SOX6: variants seen among roughly 807,000 people sequenced by gnomAD.
The protein encoded by SOX6 is transcription factor SOX-6.
A neutral mutation model predicts 97.8 loss-of-function variants in SOX6; 11 were observed. That is an observed-to-expected ratio of 0.11 (90% CI 0.07 to 0.19). SOX6 has a LOEUF of 0.19. Ranked by LOEUF, SOX6 falls within the 10% of genes least tolerant of loss-of-function variation. The pLI is 1.00. For synonymous variants in SOX6, 360 were observed against 371.4 expected (o/e 0.97, Z 0.35); for missense variants, 810 against 1,039.5 (o/e 0.78, Z 3.04).
intron 9 of SOX6, among the ~76,000 whole-genome samples, chr11:16,074,135 C>A (rs1272331441): frequency 3.3e-5 from 5 of 151,926 alleles, no homozygotes; most frequent in Non-Finnish European, 4.4e-5. Flanking sequence ...ATGCAAAAAA[C>A]CATACAAAAA....
At chr11:16,236,838 T>C (rs1254136733) in intron 3 of SOX6, among the ~76,000 whole-genome samples, 2 of 151,974 alleles carry the variant, frequency 1.3e-5, no homozygotes, top group Non-Finnish European at 2.9e-5. Flanking sequence ...AATACACACT[T>C]AAACCATGTG....
In SOX6 at chr11:16,156,980, G is replaced by A. The variant is rs76748111; in HGVS notation, c.777+26906C>T. On this transcript the variant is annotated intron_variant, in intron 6 of 15. Coordinates refer to ENST00000683767, the MANE Select transcript of SOX6 (RefSeq NM_001367873.1). Reference sequence around the variant, plus strand: ...AACTTTGTCCATTTTGTTCCTTAGTGTATTATCACTGCTCACTGATAATGA... The same window carrying A: ...AACTTTGTCCATTTTGTTCCTTAGTATATTATCACTGCTCACTGATAATGA... 1.4e-3 allele frequency among the ~76,000 whole-genome samples: 219 copies of A among 151,978 alleles called. 1 individual carries two copies. Among genetic ancestry groups the A allele is most frequent in the African/African-American group, 4.9e-3 (205 of 41,486 alleles).
chr11:16,323,034 G>C (rs958687712), intron 2 of SOX6, among the ~76,000 whole-genome samples: 9 of 152,214 alleles, frequency 5.9e-5, no homozygotes, highest in South Asian at 2.1e-4. Context: ...CAAAGGAAAT[G>C]TACTATAAAT....
intron 3 of SOX6, among the ~76,000 whole-genome samples, chr11:16,261,305 C>T (rs1347664738): frequency 6.6e-6 from 1 of 152,110 alleles, no homozygotes; most frequent in Non-Finnish European, 1.5e-5. Flanking sequence ...ATTTAGCATG[C>T]AGTAAATCTT....
chr11:16,636,044 A>G (rs1421097781), intron 3 of SOX6, among the ~76,000 whole-genome samples: 1 of 152,234 alleles, frequency 6.6e-6, no homozygotes, highest in Non-Finnish European at 1.5e-5. Flanking sequence ...GCCCCCACAC[A>G]GAGTCCCCAA....
intron 6 of SOX6, among the ~76,000 whole-genome samples, chr11:16,147,002 G>T (rs1035602084): frequency 1.3e-5 from 2 of 152,044 alleles, no homozygotes; most frequent in African/African-American, 4.8e-5. Flanking sequence ...CCCATTACTG[G>T]GTATATACCC....
intron 6 of SOX6, among the ~76,000 whole-genome samples, chr11:16,169,767 A>G (rs1352468661): frequency 6.6e-6 from 1 of 152,112 alleles, no homozygotes; most frequent in Admixed American, 6.6e-5. Context: ...TCCAAAGTAT[A>G]TTAGTCTTTC....
At chr11:16,096,715 T>A in intron 8 of SOX6, among the ~76,000 whole-genome samples, 1 of 151,878 alleles carries the variant, frequency 6.6e-6, no homozygotes, top group East Asian at 1.9e-4. Flanking sequence ...CAGATGCTAT[T>A]CTGTAGATAA....
At position 16,124,487 on chromosome 11, in the gene SOX6, C is replaced by T. The variant is rs73418908; in HGVS notation, c.778-12564G>A. Among the ~76,000 whole-genome samples, 58 of 152,088 alleles carry T rather than the reference C, an allele frequency of 3.8e-4. 1 individual carries two copies. The highest frequency in any genetic ancestry group is 1.2e-3 in the African/African-American group (50 of 41,538). ...GGTAGTAGGTAGAAGGTACAGAGGA[C>T]TATCTTGGATAGGGATGGCCAAGGA... is the stretch of plus-strand genomic sequence containing the variant. On this transcript the variant is annotated intron_variant, in intron 6 of 15. Coordinates refer to ENST00000683767, the MANE Select transcript of SOX6 (RefSeq NM_001367873.1).
At chr11:16,602,487 A>T (rs556014291) in intron 4 of SOX6, among the ~76,000 whole-genome samples, 2 of 152,104 alleles carry the variant, frequency 1.3e-5, no homozygotes, top group African/African-American at 4.8e-5. Flanking sequence ...TTGATTTATG[A>T]GGTTTTCAAA....
chr11:16,410,296 T>C (rs1366526957), intron 1 of SOX6, among the ~76,000 whole-genome samples: 1 of 152,206 alleles, frequency 6.6e-6, no homozygotes, highest in African/African-American at 2.4e-5. Flanking sequence ...ATAGCAGTTC[T>C]GACCCAAAAG....
intron 3 of SOX6, among the ~76,000 whole-genome samples, chr11:16,640,751 G>A (rs1848897127): frequency 6.6e-6 from 1 of 152,062 alleles, no homozygotes. Context: ...GGGATCGGTG[G>A]TGATATTCTC....
At chr11:16,659,597 C>T (rs140533581) in intron 3 of SOX6, among the ~76,000 whole-genome samples, 71 of 152,302 alleles carry the variant, frequency 4.7e-4, no homozygotes, top group Non-Finnish European at 8.2e-4. Flanking sequence ...ATTGCATTGA[C>T]TCCATAGATC....
At chr11:16,531,067 T>C (rs144910690) in intron 4 of SOX6, among the ~76,000 whole-genome samples, 1 of 149,390 alleles carries the variant, frequency 6.7e-6, no homozygotes, top group African/African-American at 2.4e-5. Context: ...TCTATATAGA[T>C]ATATATTTCA....
At chr11:16,082,975 A>G (rs995582422) in intron 9 of SOX6, among the ~76,000 whole-genome samples, 2 of 152,032 alleles carry the variant, frequency 1.3e-5, no homozygotes, top group East Asian at 1.9e-4. Flanking sequence ...TTCTACACCT[A>G]TGGGTAGCTA....
chr11:16,456,900 A>C (rs1056329099), intron 1 of SOX6, among the ~76,000 whole-genome samples: 1 of 152,130 alleles, frequency 6.6e-6, no homozygotes, highest in African/African-American at 2.4e-5. Context: ...AGTGCACATT[A>C]AAAGTAGTCT....
chr11:16,054,028 C>T (rs1029166590), intron 10 of SOX6, among the ~76,000 whole-genome samples: 1 of 152,020 alleles, frequency 6.6e-6, no homozygotes, highest in African/African-American at 2.4e-5. Flanking sequence ...AGAATATGGT[C>T]AAGTCAAATT....
At chr11:16,604,533 C>T (rs1848310434) in intron 4 of SOX6, among the ~76,000 whole-genome samples, 1 of 152,220 alleles carries the variant, frequency 6.6e-6, no homozygotes, top group South Asian at 2.1e-4. Flanking sequence ...CGGCTAGCAC[C>T]GGCGCCCGGG....
At chr11:16,159,847 T>C (rs1850700152) in intron 6 of SOX6, among the ~76,000 whole-genome samples, 5 of 152,164 alleles carry the variant, frequency 3.3e-5, no homozygotes, top group Admixed American at 2.0e-4. Context: ...AACTTCATTA[T>C]TACCAAATGT....
Sources: gnomAD v4.1 joint callset for allele counts (sites outside exome capture counted in the v4.1 genomes callset) on GRCh38, gnomAD v4.1.1 for gene constraint, MANE v1.5 for transcripts, NCBI Gene and HGNC (gene_info 2026-07-23, HGNC 2026-07-21) for gene names.